The following ERO1B variants were observed in gnomAD, a reference collection of about 807,000 sequenced individuals.
The protein encoded by ERO1B is ERO1-like protein beta.
ERO1B carries 49 observed loss-of-function variants against 75.3 expected under a neutral mutation model. The observed-to-expected ratio is 0.65, with a 90% CI of 0.52 to 0.83. ERO1B has a LOEUF of 0.83. Ranked by LOEUF, ERO1B falls within the 40% of genes least tolerant of loss-of-function variation. ERO1B has a pLI of 0.00. For missense variants in ERO1B, 512 were observed against 560.1 expected (o/e 0.91, Z 0.87); for synonymous variants, 191 against 192.9 (o/e 0.99, Z 0.08).
At chr1:236,251,959 A>G in intron 4 of ERO1B, 91 bp downstream of exon 4, 1 of 945,570 alleles carries the variant, frequency 1.1e-6, no homozygotes, top group Non-Finnish European at 1.6e-6. Context: ...AACTAACCAT[A>G]ATATGGTTCT....
chr1:236,253,195 A>T lies in ERO1B; in HGVS notation c.306+227T>A, dbSNP rs143420280. ...TCCTTCCATTTTAGAATAAGACTATATTTCCATATTTGATCACCAGTATCA... is the reference window on the plus strand; with the variant it reads ...TCCTTCCATTTTAGAATAAGACTATTTTTCCATATTTGATCACCAGTATCA... On this transcript the variant is annotated intron_variant, in intron 3 of 15. Coordinates refer to ENST00000354619, the MANE Select transcript of ERO1B (RefSeq NM_019891.4). Among the ~76,000 whole-genome samples, 700 of 152,248 alleles carry T rather than the reference A, an allele frequency of 4.6e-3. 6 individuals are homozygous for T. Among genetic ancestry groups the T allele is most frequent in the African/African-American group, 0.016 (652 of 41,530 alleles).
At chr1:236,270,731 C>T (rs1350830105) in intron 1 of ERO1B, among the ~76,000 whole-genome samples, 1 of 152,110 alleles carries the variant, frequency 6.6e-6, no homozygotes, top group East Asian at 1.9e-4. Context: ...CAGGAATTAT[C>T]CTGAATGAAA....
At chr1:236,271,575 G>T (rs779956134) in intron 1 of ERO1B, among the ~76,000 whole-genome samples, 16 of 151,856 alleles carry the variant, frequency 1.1e-4, no homozygotes, top group Non-Finnish European at 2.9e-5. Flanking sequence ...TGTTTGTAAA[G>T]ACTTCAAATC....
chr1:236,236,151 T>C, intron 7 of ERO1B, 127 bp downstream of exon 7: 5 of 1,192,348 alleles, frequency 4.2e-6, no homozygotes, highest in Non-Finnish European at 4.8e-6. Flanking sequence ...GGTCTTGAAC[T>C]CCTGACCTCA....
Position 236,263,778 on chromosome 1 carries a change from C to CTT in ERO1B, c.222+6095_222+6096dup. On this transcript the variant is annotated intron_variant, in intron 2 of 15. Transcript: ENST00000354619. ...TATATTTTTTGTTTTATTTTGTTTG[C>CTT]TTTTTTTTTTTTTTTTTTTTTTTTT... is the stretch of plus-strand genomic sequence containing the variant. Among the ~76,000 whole-genome samples the CTT allele has an allele frequency of 3.4e-4, 27 of 80,294 alleles. 2 individuals are homozygous for CTT. Among genetic ancestry groups the CTT allele is most frequent in the African/African-American group, 8.9e-4 (17 of 19,128 alleles). The allele number at this position is 80,294 out of a possible 152,430, so 52.7% of individuals were successfully genotyped here. A position where few individuals can be genotyped will look rare whatever the true frequency, so the allele number is the denominator to read the frequency against.
intron 7 of ERO1B, 52 bp from the exon 8 acceptor site, chr1:236,235,887 G>A (rs1336730453): frequency 1.3e-5 from 20 of 1,485,512 alleles, no homozygotes; most frequent in African/African-American, 2.8e-5. Context: ...CTTTTATAGT[G>A]TATAATTTTA....
chr1:236,238,980 C>A (rs1173086199), intron 6 of ERO1B, among the ~76,000 whole-genome samples: 1 of 152,004 alleles, frequency 6.6e-6, no homozygotes, highest in African/African-American at 2.4e-5. Context: ...GAAAAGTGGT[C>A]TTACTTTGTT....
At chr1:236,262,684 C>T (rs1027576726) in intron 2 of ERO1B, among the ~76,000 whole-genome samples, 1 of 152,136 alleles carries the variant, frequency 6.6e-6, no homozygotes, top group Non-Finnish European at 1.5e-5. Flanking sequence ...GGATTACGAG[C>T]GTGAGCCACC....
chr1:236,243,518 A>G, intron 5 of ERO1B, 23 bp from the exon 6 acceptor site: 1 of 1,531,318 alleles, frequency 6.5e-7, no homozygotes, highest in South Asian at 1.2e-5. Flanking sequence ...GGAATAAAAA[A>G]GAAAAATTAT....
chr1:236,263,325 A>G (rs1465129275), intron 2 of ERO1B, among the ~76,000 whole-genome samples: 2 of 151,898 alleles, frequency 1.3e-5, no homozygotes, highest in Non-Finnish European at 2.9e-5. Context: ...CTCGGCTCAC[A>G]GCAACTTCCA....
At position 236,274,854 on chromosome 1, in the gene ERO1B, G is replaced by A. The variant is rs553133583; in HGVS notation, c.103-4860C>T. Among the ~76,000 whole-genome samples, 71 of 152,288 alleles carry A rather than the reference G, an allele frequency of 4.7e-4. 1 individual carries two copies. The South Asian group carries it at 0.012, about 25-fold the overall frequency. On this transcript the variant is annotated intron_variant, in intron 1 of 15. Transcript: ENST00000354619. ...GTACAGAATGTCAGATGGTAATAAA[G>A]TGATATAGATAAAACTAAGGACTGG...
chr1:236,229,747 A>G (rs1484178420), intron 10 of ERO1B, among the ~76,000 whole-genome samples: 1 of 152,208 alleles, frequency 6.6e-6, no homozygotes, highest in East Asian at 1.9e-4. Flanking sequence ...AAAGCATCTA[A>G]TATATCAGGA....
chr1:236,266,793 T>C (rs961091415), intron 2 of ERO1B, among the ~76,000 whole-genome samples: 8 of 152,134 alleles, frequency 5.3e-5, no homozygotes, highest in Non-Finnish European at 1.0e-4. Flanking sequence ...CCAAATATCC[T>C]AGAGTTAGAG....
intron 2 of ERO1B, among the ~76,000 whole-genome samples, chr1:236,266,930 A>C (rs1665456188): frequency 6.6e-6 from 1 of 152,350 alleles, no homozygotes; most frequent in Non-Finnish European, 1.5e-5. Context: ...TGTAAGAGGA[A>C]GAATCAGATT....
intron 8 of ERO1B, among the ~76,000 whole-genome samples, chr1:236,234,726 G>C (rs1231336892): frequency 6.6e-6 from 1 of 152,140 alleles, no homozygotes; most frequent in Non-Finnish European, 1.5e-5. Flanking sequence ...TCTCAGAAAG[G>C]TCTAAAGATA....
At chr1:236,261,159 AC>A (rs1479125647) in intron 2 of ERO1B, among the ~76,000 whole-genome samples, 1 of 152,162 alleles carries the variant, frequency 6.6e-6, no homozygotes, top group African/African-American at 2.4e-5. Flanking sequence ...GAAAAAATGT[AC>A]CCCAGCATAA....
chr1:236,270,159 T>TA (rs929547379), intron 1 of ERO1B, among the ~76,000 whole-genome samples, 165 bp from the exon 2 acceptor site: 4 of 152,150 alleles, frequency 2.6e-5, no homozygotes, highest in African/African-American at 7.2e-5. Flanking sequence ...GCCAATGAGA[T>TA]AAAAAACAAT....
At chr1:236,271,954 C>T (rs1331376711) in intron 1 of ERO1B, among the ~76,000 whole-genome samples, 1 of 152,014 alleles carries the variant, frequency 6.6e-6, no homozygotes, top group Non-Finnish European at 1.5e-5. Context: ...TTGCCATGTA[C>T]ATATTTGTAA....
intron 4 of ERO1B, chr1:236,251,497 C>A (rs1665029179): frequency 8.2e-6 from 8 of 976,562 alleles, no homozygotes; most frequent in Non-Finnish European, 9.7e-6. Flanking sequence ...GAAGAAAACG[C>A]AAAGGAGGCA....
Sources: allele counts gnomAD v4.1 joint callset (sites outside exome capture counted in the v4.1 genomes callset), GRCh38; gene constraint gnomAD v4.1.1; transcripts MANE v1.5; gene names NCBI Gene and HGNC (gene_info 2026-07-23, HGNC 2026-07-21).